The following SMG6 variants were observed in gnomAD, a reference collection of about 807,000 sequenced individuals.
SMG6 encodes the protein SMG6 nonsense mediated mRNA decay factor.
In SMG6, 66 loss-of-function variants were observed where a neutral mutation model predicts 142.2. The ratio of observed to expected loss-of-function variants is 0.46; its 90% CI spans 0.38 to 0.57. SMG6 has a LOEUF of 0.57. Among genes scored for constraint, SMG6 ranks in the 20% least tolerant of loss-of-function variants. The pLI, the probability that SMG6 is intolerant of heterozygous loss-of-function variation, is 0.00. For missense variants in SMG6, 1,793 were observed against 1,832.0 expected (o/e 0.98, Z 0.39); for synonymous variants, 779 against 702.4 (o/e 1.11, Z -1.72).
At chr17:2,215,738 G>A (rs1247633583) in intron 10 of SMG6, 2 of 151,214 alleles carry the variant, frequency 1.3e-5, no homozygotes, top group Non-Finnish European at 2.9e-5. Context: ...GAGAGAAAGA[G>A]AGAGAAAAAA....
At chr17:2,121,791 A>AT (rs1218609225) in intron 13 of SMG6, among the ~76,000 whole-genome samples, 4 of 151,742 alleles carry the variant, frequency 2.6e-5, no homozygotes, top group African/African-American at 9.7e-5. Flanking sequence ...TAATTTTTGT[A>AT]TTTTTTGTGG....
intron 16 of SMG6, among the ~76,000 whole-genome samples, chr17:2,066,379 T>C (rs2067950087): frequency 6.6e-6 from 1 of 151,658 alleles, no homozygotes; most frequent in South Asian, 2.1e-4. Flanking sequence ...TCTCTGTGTG[T>C]GTGTGTGTGT....
chr17:2,207,237 A>G (rs1468872361), intron 10 of SMG6, among the ~76,000 whole-genome samples: 4 of 152,008 alleles, frequency 2.6e-5, no homozygotes, highest in African/African-American at 7.2e-5. Context: ...CGAGGCCGAG[A>G]TGGTGCCACT....
intron 10 of SMG6, among the ~76,000 whole-genome samples, chr17:2,204,634 TG>T (rs1257627312): frequency 6.6e-6 from 1 of 152,224 alleles, no homozygotes. Flanking sequence ...GCTAGTCTCC[TG>T]ACCTAGAAGC....
chr17:2,276,779 G>C (rs1320689731), intron 8 of SMG6, among the ~76,000 whole-genome samples: 3 of 151,914 alleles, frequency 2.0e-5, no homozygotes, highest in African/African-American at 4.8e-5. Flanking sequence ...CATGCCAACT[G>C]TATGTCTTTT....
At chr17:2,125,341 A>G (rs973206470) in intron 13 of SMG6, among the ~76,000 whole-genome samples, 6 of 152,182 alleles carry the variant, frequency 3.9e-5, no homozygotes, top group African/African-American at 1.4e-4. Flanking sequence ...GATGATTCAG[A>G]TACTACAAGG....
chr17:2,288,621 TAA>T (rs35498445), intron 6 of SMG6, among the ~76,000 whole-genome samples: 250 of 137,636 alleles, frequency 1.8e-3, no homozygotes, highest in Middle Eastern at 3.9e-3. Flanking sequence ...TTCTCTCAAT[TAA>T]AAAAAAAAAA....
intron 10 of SMG6, among the ~76,000 whole-genome samples, chr17:2,232,235 A>C (rs2073517970): frequency 6.6e-6 from 1 of 152,144 alleles, no homozygotes; most frequent in African/African-American, 2.4e-5. Flanking sequence ...TAAATTACAA[A>C]ATTTTTAAAA....
chr17:2,242,046 C>G (rs1428641477), intron 9 of SMG6, among the ~76,000 whole-genome samples: 1 of 152,052 alleles, frequency 6.6e-6, no homozygotes, highest in East Asian at 1.9e-4. Context: ...CAGGACAGCC[C>G]CTCACAGCAG....
At chr17:2,120,619 A>G (rs2069658552) in intron 13 of SMG6, among the ~76,000 whole-genome samples, 1 of 152,202 alleles carries the variant, frequency 6.6e-6, no homozygotes, top group Non-Finnish European at 1.5e-5. Context: ...GCTACTTGAG[A>G]GGCTGAGGCA....
intron 13 of SMG6, among the ~76,000 whole-genome samples, chr17:2,153,925 G>T (rs113743027): frequency 0.062 from 8,656 of 140,280 alleles, 223 homozygotes; most frequent in Non-Finnish European, 0.085. Context: ...GGTGACGGGG[G>T]AACCTGGGGA....
chr17:2,167,952 CA>C (rs2151640676), intron 13 of SMG6, among the ~76,000 whole-genome samples: 1 of 152,276 alleles, frequency 6.6e-6, no homozygotes, highest in South Asian at 2.1e-4. Context: ...TAATGAGCAC[CA>C]AACCCCTGCA....
rs532088648 is a variant in SMG6, at chr17:2,071,584, C to T, written c.3682-2653G>A. Among the ~76,000 whole-genome samples the T allele has an allele frequency of 6.9e-4, 105 of 152,330 alleles. No individual in the cohort carries two copies. The highest frequency in any genetic ancestry group is 1.3e-3 in the Non-Finnish European group (90 of 68,034). ...TGGTCAGAGCTGTGCTGCCATCATC[C>T]GGTCCCAGGGACGCCCGCAGACAAC... On this transcript the variant is annotated intron_variant, in intron 15 of 18. Transcript: ENST00000263073. This position sits in a 1 kb window ranked among gnomAD's most constrained non-coding sequence, Gnocchi z 5.6.
At chr17:2,077,358 C>G (rs1003474633) in intron 15 of SMG6, among the ~76,000 whole-genome samples, 2 of 152,146 alleles carry the variant, frequency 1.3e-5, no homozygotes, top group African/African-American at 4.8e-5. Flanking sequence ...TAAGCAGAGG[C>G]AGACGGATTC....
At chr17:2,216,242 A>T (rs866257226) in intron 10 of SMG6, among the ~76,000 whole-genome samples, 2 of 152,120 alleles carry the variant, frequency 1.3e-5, no homozygotes, top group Non-Finnish European at 2.9e-5. Flanking sequence ...GGACCAACCA[A>T]GGTATCCAAG....
At chr17:2,190,755 C>T (rs1052842426) in intron 10 of SMG6, among the ~76,000 whole-genome samples, 3 of 152,300 alleles carry the variant, frequency 2.0e-5, no homozygotes, top group Admixed American at 1.3e-4. Flanking sequence ...TTCATGACTG[C>T]TCTGTCCTTG....
chr17:2,249,149 T>C (rs1032353556), intron 8 of SMG6, among the ~76,000 whole-genome samples: 5 of 152,004 alleles, frequency 3.3e-5, no homozygotes, highest in Non-Finnish European at 7.4e-5. Flanking sequence ...CGCCTTGGCC[T>C]CCCAAAGTGC....
chr17:2,297,425 G>A (rs993368884), intron 3 of SMG6, 72 bp from the exon 4 acceptor site: 9 of 1,136,958 alleles, frequency 7.9e-6, no homozygotes, highest in Non-Finnish European at 1.1e-5. Flanking sequence ...AACCGGGGCA[G>A]ACAACCCTTT....
At chr17:2,279,770 CT>C (rs1165928366) in intron 8 of SMG6, among the ~76,000 whole-genome samples, 3 of 152,190 alleles carry the variant, frequency 2.0e-5, no homozygotes, top group African/African-American at 7.2e-5. Context: ...AGGAGAACTT[CT>C]CACACTCTAG....
Sources: gnomAD v4.1 joint callset for allele counts (sites outside exome capture counted in the v4.1 genomes callset) on GRCh38, gnomAD v4.1.1 for gene constraint, Gnocchi (gnomAD v3.1) non-coding constraint, MANE v1.5 for transcripts, NCBI Gene and HGNC (gene_info 2026-07-23, HGNC 2026-07-21) for gene names.